Variants in NCAPD2 observed in about 807,000 individuals in gnomAD.
NCAPD2 encodes non-SMC condensin I complex subunit D2.
Under a neutral mutation model 164.5 loss-of-function variants are expected in NCAPD2, and 100 were observed. The ratio of observed to expected loss-of-function variants is 0.61; its 90% confidence interval spans 0.52 to 0.72. The LOEUF is 0.72. Ranked by LOEUF, NCAPD2 falls within the 30% of genes least tolerant of loss-of-function variation. The probability of loss-of-function intolerance (pLI) is 0.00; values close to 1 mark genes in which losing one functional copy is unlikely to be tolerated. For missense variants in NCAPD2, 1,560 were observed against 1,749.2 expected (o/e 0.89, Z 1.93); for synonymous variants, 585 against 642.6 (o/e 0.91, Z 1.36).
chr12:6,527,779 T>A lies in NCAPD2; in HGVS notation c.2910T>A (p.Asn970Lys). The A allele has an allele frequency of 1.2e-6, 2 of 1,610,546 alleles. No individual in the cohort carries two copies. The highest frequency in any genetic ancestry group is 1.7e-6 in the Non-Finnish European group (2 of 1,177,162). The stretch of plus-strand genomic sequence containing the variant: ...ATCCCCAATTTCATTCCCTTTAGAA[T>A]ACGAGCTCTGAGACCACCATGGAGG... ...EHKTKDPKEKNTSSETTMEEE... is the reference protein window; with the variant it reads ...EHKTKDPKEKKTSSETTMEEE... The change falls in exon 23 of 32, where the codon AAT (asparagine) becomes AAA (lysine). Residue 970 changes from asparagine (N) to lysine (K), a missense_variant and splice_region_variant. Asn to Lys is a moderately conservative substitution (Grantham distance 94). Coordinates refer to ENST00000315579, the MANE Select transcript of NCAPD2 (RefSeq NM_014865.4).
rs765257849 is a variant in NCAPD2 at position 6,528,507 on chromosome 12, G to A, written c.3300-172G>A. 4.2e-5 allele frequency: 47 copies of A among 1,130,374 alleles called. No individual in the cohort carries two copies. The highest frequency in any genetic ancestry group is 5.6e-5 in the Non-Finnish European group (45 of 796,906). The allele number at this position is 1,130,374 out of a possible 1,614,324, so 70.0% of individuals were successfully genotyped here. On this transcript the variant is annotated intron_variant, in intron 25 of 31. Transcript: ENST00000315579. This position sits in a 1 kb window ranked among gnomAD's most constrained non-coding sequence, Gnocchi z 5.1. Reference sequence around the variant, plus strand: ...CACCCCAGTGGGACTGACACTTCTGGTTAGAAGCTTCACCTCTTTCCCCCA... The same window carrying A: ...CACCCCAGTGGGACTGACACTTCTGATTAGAAGCTTCACCTCTTTCCCCCA...
intron 27 of NCAPD2, 194 bp downstream of exon 27, chr12:6,529,233 A>G (rs532989064): frequency 1.3e-5 from 8 of 622,496 alleles, no homozygotes; most frequent in Admixed American, 8.8e-5. Context: ...AAAATATTAA[A>G]TACGATAAAG....
At chr12:6,504,218 G>GT (rs1946076275) in intron 2 of NCAPD2, among the ~76,000 whole-genome samples, 1 of 29,952 alleles carries the variant, frequency 3.3e-5, no homozygotes, top group African/African-American at 2.0e-4. Flanking sequence ...TATATATATA[G>GT]ATATAGATAT....
In NCAPD2 at chr12:6,496,539, C is replaced by T. The variant is rs186178742; in HGVS notation, c.127+1314C>T. Reference sequence around the variant, plus strand: ...TCCCAGACTCAAGCAATCCTCTCACCTCAGCCTCCCAAGCAGCTGGGATCA... The same window carrying T: ...TCCCAGACTCAAGCAATCCTCTCACTTCAGCCTCCCAAGCAGCTGGGATCA... On this transcript the variant is annotated intron_variant, in intron 2 of 31. Coordinates refer to ENST00000315579, the MANE Select transcript of NCAPD2 (RefSeq NM_014865.4). Among the ~76,000 whole-genome samples, 33 of 152,272 alleles carry T rather than the reference C, an allele frequency of 2.2e-4. 1 individual carries two copies. In the East Asian group the frequency reaches 6.4e-3, roughly 29 times the overall value.
intron 6 of NCAPD2, among the ~76,000 whole-genome samples, chr12:6,513,310 G>A (rs1946168615): frequency 6.6e-6 from 1 of 152,180 alleles, no homozygotes; most frequent in Non-Finnish European, 1.5e-5. Flanking sequence ...GGAGGCTGAG[G>A]CAGGAGGATC....
chr12:6,527,230 C>T (rs1331609122), intron 22 of NCAPD2, among the ~76,000 whole-genome samples, 167 bp downstream of exon 22: 3 of 152,212 alleles, frequency 2.0e-5, no homozygotes, highest in Non-Finnish European at 4.4e-5. Context: ...AATGACGAAA[C>T]TGTCAGTGAT....
intron 1 of NCAPD2, among the ~76,000 whole-genome samples, chr12:6,494,744 C>T (rs1416865040): frequency 6.6e-6 from 1 of 152,190 alleles, no homozygotes; most frequent in African/African-American, 2.4e-5. Context: ...ATCATCAGAG[C>T]AACTTTGTGA....
At chr12:6,509,379 A>G (rs1037457837) in intron 2 of NCAPD2, among the ~76,000 whole-genome samples, 13 of 152,106 alleles carry the variant, frequency 8.5e-5, no homozygotes, top group Non-Finnish European at 1.9e-4. Context: ...CTCCTGCCTC[A>G]GCCTCCCTAG....
In NCAPD2 at chr12:6,495,092, G is replaced by C. The variant is rs1477954752; in HGVS notation, c.-7G>C. 5.6e-6 allele frequency: 9 copies of C among 1,614,062 alleles called. No homozygotes were observed. The highest frequency in any genetic ancestry group is 7.6e-6 in the Non-Finnish European group (9 of 1,179,972). On this transcript the variant is annotated 5_prime_UTR_variant, in exon 2 of 32. Coordinates refer to ENST00000315579, the MANE Select transcript of NCAPD2 (RefSeq NM_014865.4). ...GGTTTCTAGCCCTGTGAGCCTGTAG[G>C]AGTAGAATGGCTCCCCAAATGTATG...
At chr12:6,523,991 T>C (rs1946292213) in intron 17 of NCAPD2, among the ~76,000 whole-genome samples, 1 of 152,202 alleles carries the variant, frequency 6.6e-6, no homozygotes, top group African/African-American at 2.4e-5. Flanking sequence ...ACGACAGCCC[T>C]GTGAGGTAGC....
intron 2 of NCAPD2, among the ~76,000 whole-genome samples, chr12:6,501,083 G>A (rs917614710): frequency 7.2e-6 from 1 of 139,264 alleles, no homozygotes; most frequent in African/African-American, 2.7e-5. Flanking sequence ...TGACAGTCTT[G>A]CTCTGTTGGC....
Position 6,528,599 on chromosome 12 carries a change from T to G in NCAPD2, c.3300-80T>G, listed in dbSNP as rs528077251. On this transcript the variant is annotated intron_variant, in intron 25 of 31. Transcript: ENST00000315579. This position sits in a 1 kb window ranked among gnomAD's most constrained non-coding sequence, Gnocchi z 5.1. ...AGTGGCAGAGCATGGGATAATTGAT[T>G]CCTGCTGAGGGCCTTTTCTACCAGT... 6.8e-7 allele frequency: 1 copy of G among 1,465,334 alleles called. No homozygotes were observed. Among genetic ancestry groups the G allele is most frequent in the South Asian group, 1.2e-5 (1 of 81,092 alleles). The allele number at this position is 1,465,334 out of a possible 1,614,324, so 90.8% of individuals were successfully genotyped here. A position where few individuals can be genotyped will look rare whatever the true frequency, so the allele number is the denominator to read the frequency against.
chr12:6,512,146 C>T lies in NCAPD2; in HGVS notation c.587+894C>T, dbSNP rs181790625. On this transcript the variant is annotated intron_variant, in intron 6 of 31. Coordinates refer to ENST00000315579, the MANE Select transcript of NCAPD2 (RefSeq NM_014865.4). ...AATTAGCCGGGCATGGTGGCGGGCG[C>T]CTCTAGTCCCAGCTACTCAGGAGGC... Among the ~76,000 whole-genome samples the T allele has an allele frequency of 2.6e-3, 400 of 152,008 alleles. 1 individual carries two copies. The highest frequency in any genetic ancestry group is 8.5e-3 in the African/African-American group (352 of 41,464).
In NCAPD2 at chr12:6,531,155, C is replaced by T. The variant is rs750702456; in HGVS notation, c.4120+79C>T. 1.9e-5 allele frequency: 30 copies of T among 1,574,588 alleles called. No individual in the cohort carries two copies. Among genetic ancestry groups the T allele is most frequent in the Non-Finnish European group, 2.4e-5 (28 of 1,153,460 alleles). ...GGGCTGGTTTCCATAGGACCTGCTG[C>T]GGGGGCCTGAGTGTAGATGCTCTGC... On this transcript the variant is annotated intron_variant, in intron 31 of 31. Transcript: ENST00000315579. The surrounding 1 kb of genome is among the most constrained non-coding windows in gnomAD (Gnocchi z 4.1).
chr12:6,514,467 C>G lies in NCAPD2; in HGVS notation c.719C>G (p.Ala240Gly). The change falls in exon 8 of 32, where the codon GCT becomes GGT. Residue 240 changes from alanine to glycine, a missense_variant. Transcript: ENST00000315579. ...ALTRYNHMLS[A>G]TVKIIQMLQH... ...CTCATGTTTAATGCTTCCACAGGTG[C>G]TACAGTGAAGATCATCCAGATGCTG... The G allele has an allele frequency of 1.2e-6, 2 of 1,614,186 alleles. No homozygotes were observed. Among genetic ancestry groups the G allele is most frequent in the African/African-American group, 2.7e-5 (2 of 75,048 alleles).
In NCAPD2 at chr12:6,504,196, T is replaced by TAG. The variant is rs1385610511; in HGVS notation, c.128-5520_128-5519insGA. On this transcript the variant is annotated intron_variant, in intron 2 of 31. Transcript: ENST00000315579. Reference sequence around the variant, plus strand: ...ATATATATATACATATATATATATATATATATATATATATATATATAGATA... The same window carrying TAG: ...ATATATATATACATATATATATATATAGATATATATATATATATATATAGATA... Among the ~76,000 whole-genome samples the TAG allele has an allele frequency of 4.3e-5, 4 of 92,868 alleles. 1 individual carries two copies. The highest frequency in any genetic ancestry group is 1.1e-4 in the Admixed American group (1 of 9,208). The allele number at this position is 92,868 out of a possible 152,430, so 60.9% of individuals were successfully genotyped here.
intron 5 of NCAPD2, 133 bp from the exon 6 acceptor site, chr12:6,510,977 G>A (rs1565541608): frequency 7.8e-7 from 1 of 1,287,440 alleles, no homozygotes; most frequent in Non-Finnish European, 1.1e-6. Flanking sequence ...GTAGCGCTGT[G>A]GAACTTGTAA....
chr12:6,526,448 G>A lies in NCAPD2; in HGVS notation c.2567G>A (p.Gly856Asp). 6.2e-7 allele frequency: 1 copy of A among 1,614,160 alleles called. No homozygotes were observed. Among genetic ancestry groups the A allele is most frequent in the Non-Finnish European group, 8.5e-7 (1 of 1,180,024 alleles). Residue 856 changes from glycine (G) to aspartate (D), a missense_variant and splice_region_variant, in exon 21 of 32, where the codon GGC becomes GAC. Coordinates refer to ENST00000315579, the MANE Select transcript of NCAPD2 (RefSeq NM_014865.4). Reference protein sequence around the residue: ...FERLRETVTKGFVHPDPLWIP... With the variant: ...FERLRETVTKDFVHPDPLWIP... ...ACAACTTCTCCCTCCTCCTCTGCAG[G>A]CTTTGTCCACCCAGACCCACTCTGG...
chr12:6,499,888 A>G (rs1401173150), intron 2 of NCAPD2, among the ~76,000 whole-genome samples: 2 of 150,970 alleles, frequency 1.3e-5, no homozygotes, highest in Admixed American at 6.6e-5. Context: ...TGGGAAGCCA[A>G]GGTGGTTGGA....
Sources: allele counts gnomAD v4.1 joint callset (sites outside exome capture counted in the v4.1 genomes callset), GRCh38; gene constraint gnomAD v4.1.1; non-coding constraint Gnocchi (gnomAD v3.1); transcripts MANE v1.5; gene names NCBI Gene and HGNC (gene_info 2026-07-23, HGNC 2026-07-21).